Variants in FOCAD observed in about 807,000 individuals in gnomAD.
The protein encoded by FOCAD is focadhesin, also known as KIAA1797.
In FOCAD, 198 loss-of-function variants were observed where a neutral mutation model predicts 225.6. The observed-to-expected ratio is 0.88, with a 90% CI of 0.78 to 0.99. The LOEUF is 0.99. FOCAD is among the 50% of genes least tolerant of loss of function. FOCAD has a pLI of 0.00. For synonymous variants in FOCAD, 897 were observed against 755.0 expected (o/e 1.19, Z -3.08); for missense variants, 2,713 against 2,123.6 (o/e 1.28, Z -5.46).
chr9:20,973,182 C>T (rs1056067125), intron 35 of FOCAD, among the ~76,000 whole-genome samples: 1 of 147,676 alleles, frequency 6.8e-6, no homozygotes, highest in Admixed American at 6.8e-5. Context: ...AGCTATTTAA[C>T]CTTCTGCTGA....
chr9:20,975,327 T>C (rs926960364), intron 35 of FOCAD, among the ~76,000 whole-genome samples: 1 of 152,152 alleles, frequency 6.6e-6, no homozygotes, highest in African/African-American at 2.4e-5. Context: ...TTCCTTTAAA[T>C]AGGAATATAA....
intron 15 of FOCAD, among the ~76,000 whole-genome samples, chr9:20,852,046 T>C (rs996686043): frequency 7.2e-5 from 11 of 151,760 alleles, no homozygotes; most frequent in African/African-American, 2.7e-4. Flanking sequence ...GTTACCACCA[T>C]GTATTTATAA....
Position 20,820,361 on chromosome 9 carries a change from T to A in FOCAD, c.1598T>A (p.Leu533His). 1 of 1,612,856 alleles carries A rather than the reference T, an allele frequency of 6.2e-7. No homozygotes were observed. The highest frequency in any genetic ancestry group is 8.5e-7 in the Non-Finnish European group (1 of 1,179,264). ...IGQILRIIQL[L>H]GTTPRLRAVT... ...CAAATTCTACGAATAATACAACTAC[T>A]TGGAACCACACCACGACTAAGAGCT... is the stretch of plus-strand genomic sequence containing the variant. Residue 533 changes from leucine to histidine, a missense_variant, in exon 13 of 44, where the codon CTT (leucine) becomes CAT (histidine). By Grantham distance (99) the Leu-to-His change is moderately conservative. Coordinates refer to ENST00000338382, the MANE Select transcript of FOCAD (RefSeq NM_001375567.1).
chr9:20,709,928 C>G (rs1232574337), intron 1 of FOCAD, among the ~76,000 whole-genome samples: 2 of 152,198 alleles, frequency 1.3e-5, no homozygotes, highest in African/African-American at 4.8e-5. Flanking sequence ...GGCCCACCTC[C>G]TGAAAACAAG....
chr9:20,797,034 G>A (rs1048836602), intron 11 of FOCAD, among the ~76,000 whole-genome samples: 1 of 152,126 alleles, frequency 6.6e-6, no homozygotes, highest in East Asian at 1.9e-4. Context: ...TTCTCCGTAT[G>A]GCTAGCCAGT....
At chr9:20,732,657 A>C (rs1158945132) in intron 4 of FOCAD, among the ~76,000 whole-genome samples, 1 of 152,186 alleles carries the variant, frequency 6.6e-6, no homozygotes, top group East Asian at 1.9e-4. Flanking sequence ...TATGAAGATT[A>C]AAATGGAAAG....
intron 35 of FOCAD, among the ~76,000 whole-genome samples, chr9:20,964,021 G>A (rs761919970): frequency 2.0e-4 from 30 of 152,096 alleles, no homozygotes; most frequent in South Asian, 8.3e-4. Flanking sequence ...ATGAATGAGT[G>A]TGTTTATAAA....
chr9:20,809,259 G>C (rs1388547269), intron 11 of FOCAD, among the ~76,000 whole-genome samples: 5 of 152,124 alleles, frequency 3.3e-5, no homozygotes, highest in African/African-American at 1.2e-4. Context: ...TTTTAGAACA[G>C]CTTTGTCCAA....
intron 11 of FOCAD, among the ~76,000 whole-genome samples, chr9:20,791,794 A>G (rs928295564): frequency 1.3e-5 from 2 of 152,182 alleles, no homozygotes; most frequent in Non-Finnish European, 2.9e-5. Flanking sequence ...TGTTTCTGCC[A>G]CCAGGTTCAT....
chr9:20,670,402 T>C (rs540135921), intron 2 of FOCAD, among the ~76,000 whole-genome samples: 4 of 152,334 alleles, frequency 2.6e-5, no homozygotes, highest in African/African-American at 9.6e-5. Flanking sequence ...ACAAAAGAAG[T>C]TTGATTGATA....
rs138005802 is a variant in FOCAD at position 20,781,692 on chromosome 9, T to A, written c.995-35T>A. On this transcript the variant is annotated intron_variant, in intron 9 of 43. Transcript: ENST00000338382. ...GCATTTTGTTTGACTGTGGTATTAATTTTTAAAAATGTGCATTATTGTTTT... is the reference window on the plus strand; with the variant it reads ...GCATTTTGTTTGACTGTGGTATTAAATTTTAAAAATGTGCATTATTGTTTT... 201 of 1,597,236 alleles carry A rather than the reference T, an allele frequency of 1.3e-4. No individual in the cohort carries two copies. In the African/African-American group the frequency reaches 1.7e-3, roughly 13 times the overall value.
At chr9:20,951,539 A>G (rs1209339965) in intron 34 of FOCAD, among the ~76,000 whole-genome samples, 2 of 152,196 alleles carry the variant, frequency 1.3e-5, no homozygotes, top group Non-Finnish European at 1.5e-5. Flanking sequence ...TAGTTTGTAT[A>G]GTATTCATGT....
At chr9:20,956,563 G>A (rs935829944) in intron 35 of FOCAD, among the ~76,000 whole-genome samples, 1 of 152,042 alleles carries the variant, frequency 6.6e-6, no homozygotes, top group Non-Finnish European at 1.5e-5. Context: ...TTTAAAAAAA[G>A]TAATGACTTT....
At chr9:20,950,269 A>G (rs1165718453) in intron 33 of FOCAD, among the ~76,000 whole-genome samples, 1 of 152,152 alleles carries the variant, frequency 6.6e-6, no homozygotes, top group African/African-American at 2.4e-5. Context: ...CTTTTCAAGT[A>G]TTCTTTTGTT....
chr9:20,885,142 A>G lies in FOCAD; in HGVS notation c.2537A>G (p.Tyr846Cys). 6.6e-7 allele frequency: 1 copy of G among 1,523,782 alleles called. No homozygotes were observed. The highest frequency in any genetic ancestry group is 8.8e-7 in the Non-Finnish European group (1 of 1,133,584). The allele number at this position is 1,523,782 out of a possible 1,614,324, so 94.4% of individuals were successfully genotyped here. A position where few individuals can be genotyped will look rare whatever the true frequency, so the allele number is the denominator to read the frequency against. The change falls in exon 21 of 44, where the codon TAT becomes TGT. Residue 846 changes from tyrosine (Y) to cysteine (C), a missense_variant. Transcript: ENST00000338382. Reference protein sequence around the residue: ...GMLFCYDVSMYQSKDGKPLNR... With the variant: ...GMLFCYDVSMCQSKDGKPLNR... ...TTATTTTGCTATGATGTTTCCATGTATCAGAGTAAAGATGGAAAACCATTG... is the reference window on the plus strand; with the variant it reads ...TTATTTTGCTATGATGTTTCCATGTGTCAGAGTAAAGATGGAAAACCATTG...
At chr9:20,801,154 A>T (rs955593348) in intron 11 of FOCAD, among the ~76,000 whole-genome samples, 1 of 152,192 alleles carries the variant, frequency 6.6e-6, no homozygotes, top group African/African-American at 2.4e-5. Flanking sequence ...CGGAGGCTGC[A>T]GAACAGCGAA....
intron 1 of FOCAD, among the ~76,000 whole-genome samples, chr9:20,686,185 G>T (rs1279905245): frequency 1.3e-5 from 2 of 152,128 alleles, no homozygotes; most frequent in African/African-American, 2.4e-5. Flanking sequence ...TGGAGACAGG[G>T]TCACTCTGTC....
intron 6 of FOCAD, among the ~76,000 whole-genome samples, chr9:20,762,726 T>A (rs2130933217): frequency 6.6e-6 from 1 of 152,114 alleles, no homozygotes; most frequent in East Asian, 1.9e-4. Flanking sequence ...GTTGGAAGGG[T>A]ATATTGTGTA....
intron 28 of FOCAD, among the ~76,000 whole-genome samples, chr9:20,935,090 C>G (rs899954549): frequency 1.3e-5 from 2 of 152,118 alleles, no homozygotes; most frequent in African/African-American, 4.8e-5. Context: ...AAAATACTAC[C>G]ATCATTCTAC....
Sources: gnomAD v4.1 joint callset for allele counts (sites outside exome capture counted in the v4.1 genomes callset) on GRCh38, gnomAD v4.1.1 for gene constraint, MANE v1.5 for transcripts, NCBI Gene and HGNC (gene_info 2026-07-23, HGNC 2026-07-21) for gene names.